PASK: variants seen among roughly 807,000 people sequenced by gnomAD.
PASK encodes the protein PAS domain containing serine/threonine kinase.
Under a neutral mutation model 121.0 loss-of-function variants are expected in PASK, and 110 were observed. The ratio of observed to expected loss-of-function variants is 0.91; its 90% CI spans 0.78 to 1.06. The LOEUF is 1.06. Among genes scored for constraint, PASK ranks in the 50% least tolerant of loss-of-function variants. PASK has a pLI of 0.00. For missense variants in PASK, 1,643 were observed against 1,702.3 expected (o/e 0.97, Z 0.61); for synonymous variants, 686 against 717.8 (o/e 0.96, Z 0.71).
At chr2:241,127,858 C>T (rs2065951121) in intron 9 of PASK, 1 of 333,324 alleles carries the variant, frequency 3.0e-6, no homozygotes, top group South Asian at 2.5e-5. Flanking sequence ...TGGAGAGTCC[C>T]TGGTAAACTC....
chr2:241,113,964 T>C (rs1354141597), intron 14 of PASK: 1 of 982,260 alleles, frequency 1.0e-6, no homozygotes, highest in Non-Finnish European at 1.2e-6. Flanking sequence ...GTCTATATAT[T>C]TACAAAAGGG....
At chr2:241,148,468 C>T (rs2067084200) in intron 1 of PASK, among the ~76,000 whole-genome samples, 2 of 152,146 alleles carry the variant, frequency 1.3e-5, no homozygotes, top group Non-Finnish European at 2.9e-5. Context: ...CCTGCAGAGC[C>T]GGGCCCTACC....
rs767222904 is a variant in PASK, at chr2:241,137,973, A to G, written c.856T>C (p.Ser286Pro). ...CCTACCTTTGGGATGTGCTGGCCAG[A>G]AGGAGGGAGCTGCACAGAAGGGATC... The part of the protein sequence containing the change: ...DLIPSVQLPP[S>P]GQHIPKNLKI... The change falls in exon 6 of 18, where the codon TCT (serine) becomes CCT (proline). Residue 286 changes from serine (S) to proline (P), a missense_variant. Ser to Pro is a moderately conservative substitution (Grantham distance 74). Coordinates refer to ENST00000234040, the MANE Select transcript of PASK (RefSeq NM_015148.4). The G allele has an allele frequency of 1.2e-5, 19 of 1,614,086 alleles. No homozygotes were observed. The South Asian group carries it at 1.3e-4, about 11-fold the overall frequency.
At chr2:241,118,219 GAAAAA>G (rs539550313) in intron 12 of PASK, among the ~76,000 whole-genome samples, 1 of 137,384 alleles carries the variant, frequency 7.3e-6, no homozygotes, top group African/African-American at 2.7e-5. Flanking sequence ...AACAAGCTTG[GAAAAA>G]AAAAAAACAC....
Position 241,126,191 on chromosome 2 carries a change from C to A in PASK, c.2719+5G>T, listed in dbSNP as rs1396304130. On this transcript the variant is annotated splice_donor_5th_base_variant and intron_variant, in intron 10 of 17. Coordinates refer to ENST00000234040, the MANE Select transcript of PASK (RefSeq NM_015148.4). Reference sequence around the variant, plus strand: ...ACACTTCTTCCTATGGGGCCCGGGACATACTCAGCCGTAAGCCATCTCGAT... The same window carrying A: ...ACACTTCTTCCTATGGGGCCCGGGAAATACTCAGCCGTAAGCCATCTCGAT... 6 of 1,613,678 alleles carry A rather than the reference C, an allele frequency of 3.7e-6. No individual in the cohort carries two copies. The Admixed American group carries it at 1.0e-4, about 27-fold the overall frequency.
chr2:241,143,906 TA>T (rs1406968419), intron 1 of PASK, among the ~76,000 whole-genome samples: 2 of 152,286 alleles, frequency 1.3e-5, no homozygotes, highest in Non-Finnish European at 2.9e-5. Context: ...TTTGTATTTT[TA>T]GCTTTTCTCT....
At chr2:241,148,322 C>T (rs1036934822) in intron 1 of PASK, among the ~76,000 whole-genome samples, 2 of 152,290 alleles carry the variant, frequency 1.3e-5, no homozygotes, top group African/African-American at 2.4e-5. Context: ...CCCACCAGAA[C>T]ATAAGCTAAG....
At chr2:241,147,211 T>C (rs2066995489) in intron 1 of PASK, among the ~76,000 whole-genome samples, 1 of 152,226 alleles carries the variant, frequency 6.6e-6, no homozygotes, top group African/African-American at 2.4e-5. Context: ...GACACTTAAT[T>C]ATAGCTTCAG....
intron 4 of PASK, among the ~76,000 whole-genome samples, chr2:241,139,324 G>A (rs142114412): frequency 6.6e-6 from 1 of 152,174 alleles, no homozygotes; most frequent in East Asian, 1.9e-4. Flanking sequence ...GTCCCCGACC[G>A]GCTGACGAGG....
intron 12 of PASK, among the ~76,000 whole-genome samples, chr2:241,116,905 A>G (rs2065396586): frequency 6.6e-6 from 1 of 152,180 alleles, no homozygotes; most frequent in Non-Finnish European, 1.5e-5. Context: ...AGAAGGAAAA[A>G]AAGATGGGGC....
chr2:241,135,164 A>G (rs143825534), intron 8 of PASK, among the ~76,000 whole-genome samples: 3 of 152,348 alleles, frequency 2.0e-5, no homozygotes, highest in Non-Finnish European at 4.4e-5. Flanking sequence ...GACTGTGCAT[A>G]TGAAAGGGAC....
chr2:241,149,707 G>C (rs942558015), upstream of PASK: 1 of 1,551,428 alleles, frequency 6.4e-7, no homozygotes, highest in Admixed American at 1.9e-5. Flanking sequence ...CGATCAAAAT[G>C]GGTGAGTAGC....
At chr2:241,117,684 AAAAT>A (rs2065434035) in intron 12 of PASK, among the ~76,000 whole-genome samples, 1 of 152,256 alleles carries the variant, frequency 6.6e-6, no homozygotes, top group Non-Finnish European at 1.5e-5. Flanking sequence ...TCTAGAAAGA[AAAAT>A]AAATCACGTT....
In PASK at chr2:241,123,014, A is replaced by C; in HGVS notation, c.2905-115T>G. ...GCCGCCCGAGGCAGGTGTGCCCTGC[A>C]CTCCAGTCCCCTCTCCTCCCATGCT... is the stretch of plus-strand genomic sequence containing the variant. On this transcript the variant is annotated intron_variant, in intron 11 of 17. Coordinates refer to ENST00000234040, the MANE Select transcript of PASK (RefSeq NM_015148.4). The C allele has an allele frequency of 3.3e-6, 3 of 900,418 alleles. No individual in the cohort carries two copies. The South Asian group carries it at 4.9e-5, about 15-fold the overall frequency. The allele number at this position is 900,418 out of a possible 1,614,324, so 55.8% of individuals were successfully genotyped here.
At chr2:241,137,622 C>T (rs1028332167) in intron 6 of PASK, among the ~76,000 whole-genome samples, 2 of 152,302 alleles carry the variant, frequency 1.3e-5, no homozygotes, top group Middle Eastern at 6.8e-3. Context: ...TGATCTGGCA[C>T]CAGGATACTG....
At chr2:241,148,968 G>T (rs1012804303) in intron 1 of PASK, among the ~76,000 whole-genome samples, 2 of 140,410 alleles carry the variant, frequency 1.4e-5, no homozygotes, top group Non-Finnish European at 3.0e-5. Flanking sequence ...CGCCGGCGGC[G>T]CGCGCCCCCG....
chr2:241,115,150 A>G lies in PASK; in HGVS notation c.3226T>C (p.Phe1076Leu). 5 of 1,614,076 alleles carry G rather than the reference A, an allele frequency of 3.1e-6. No individual in the cohort carries two copies. The highest frequency in any genetic ancestry group is 4.2e-6 in the Non-Finnish European group (5 of 1,179,964). Residue 1076 changes from phenylalanine (F) to leucine (L), a missense_variant, in exon 14 of 18, where the codon TTC becomes CTC. By Grantham distance (22) the Phe-to-Leu change is conservative. This residue lies in a region of PASK where 453 missense variants were observed against 511.2 expected (regional missense o/e 0.89). Transcript: ENST00000234040. Reference protein sequence around the residue: ...KVLDIFENQGFFQLVMEKHGS... With the variant: ...KVLDIFENQGLFQLVMEKHGS... Reference sequence around the variant, plus strand: ...TGCTTCTCCATCACAAGCTGGAAGAACCCTTGGTTTTCAAATATATCCAAT... The same window carrying G: ...TGCTTCTCCATCACAAGCTGGAAGAGCCCTTGGTTTTCAAATATATCCAAT...
At chr2:241,142,239 T>C (rs1328969048) in intron 2 of PASK, among the ~76,000 whole-genome samples, 1 of 152,202 alleles carries the variant, frequency 6.6e-6, no homozygotes, top group Non-Finnish European at 1.5e-5. Flanking sequence ...CGCAGCTCTA[T>C]GCCCCACTTC....
In PASK at chr2:241,149,412, A is replaced by G. The variant is rs2067174729; in HGVS notation, c.-43+2T>C. On this transcript the variant is annotated splice_donor_variant, in intron 1 of 17. Coordinates refer to ENST00000234040, the MANE Select transcript of PASK (RefSeq NM_015148.4). LOFTEE classifies it low-confidence loss of function (5UTR_SPLICE). ...CCGCTCTCCCGAGCGCAGGTATCTC[A>G]CCTGGATCAGGCGAGGGTCACGCCA... The G allele has an allele frequency of 1.4e-5, 7 of 504,062 alleles. No homozygotes were observed. The South Asian group carries it at 1.4e-4, about 10-fold the overall frequency. 31.2% of individuals were successfully genotyped at this position (504,062 alleles called of 1,614,324 possible). A position where few individuals can be genotyped will look rare whatever the true frequency, so the allele number is the denominator to read the frequency against.
Sources: allele counts gnomAD v4.1 joint callset (sites outside exome capture counted in the v4.1 genomes callset), GRCh38; gene constraint gnomAD v4.1.1; regional missense constraint gnomAD v4.1.1; transcripts MANE v1.5; gene names NCBI Gene and HGNC (gene_info 2026-07-23, HGNC 2026-07-21).